The following LRRC37A variants were observed in gnomAD, a reference collection of about 807,000 sequenced individuals.
LRRC37A encodes the protein leucine rich repeat containing 37A, also known as leucine-rich repeat-containing protein 37A.
LRRC37A carries 3 observed loss-of-function variants against 35.4 expected under a neutral mutation model. The observed-to-expected ratio is 0.08, with a 90% CI of 0.04 to 0.22. LRRC37A has a LOEUF of 0.22. Among genes scored for constraint, LRRC37A ranks in the 10% least tolerant of loss-of-function variants. The pLI is 1.00. For missense variants in LRRC37A, 67 were observed against 565.3 expected (o/e 0.12, Z 8.94); for synonymous variants, 23 against 215.0 (o/e 0.11, Z 7.81).
the LRRC37A span, among the ~76,000 whole-genome samples, chr17:46,261,883 A>G: frequency 1.3e-5 from 2 of 152,320 alleles, no homozygotes; most frequent in South Asian, 2.1e-4. Flanking sequence ...AAGTAAAAAT[A>G]TTTTCCCCTT....
chr17:46,277,641 C>CTTTTCTTTTCT, the LRRC37A span, among the ~76,000 whole-genome samples: 63 of 146,556 alleles, frequency 4.3e-4, no homozygotes, highest in Admixed American at 7.5e-4. Flanking sequence ...CTTTTCTTTT[C>CTTTTCTTTTCT]TTTCTTTCTT....
At chr17:46,287,732 G>A in the LRRC37A span, among the ~76,000 whole-genome samples, 6,819 of 129,788 alleles carry the variant, frequency 0.053, no homozygotes, top group Non-Finnish European at 0.086. Flanking sequence ...CAACATCGGG[G>A]ACATGGTATG....
chr17:46,311,165 G>C, intron 5 of LRRC37A: 1 of 371,930 alleles, frequency 2.7e-6, no homozygotes, highest in Non-Finnish European at 5.3e-6. Flanking sequence ...AAAGGAAAAA[G>C]GCTCACCATT....
the LRRC37A span, chr17:46,268,425 A>G: frequency 1.3e-4 from 131 of 1,027,982 alleles, no homozygotes; most frequent in Non-Finnish European, 1.7e-4. Flanking sequence ...CAGCTTAGGT[A>G]TTTCTTAAAG....
chr17:46,280,519 T>G, the LRRC37A span, among the ~76,000 whole-genome samples: 18,233 of 148,440 alleles, frequency 0.12, 2 homozygotes, highest in Non-Finnish European at 0.18. Context: ...TAATTAAAAA[T>G]ATATATTATT....
At chr17:46,284,698 G>T in the LRRC37A span, among the ~76,000 whole-genome samples, 1 of 152,206 alleles carries the variant, frequency 6.6e-6, no homozygotes, top group African/African-American at 2.4e-5. Context: ...GGTGGGATGG[G>T]TTCAAAGTGT....
the LRRC37A span, among the ~76,000 whole-genome samples, chr17:46,274,171 AT>A: frequency 2.6e-5 from 4 of 152,244 alleles, no homozygotes; most frequent in African/African-American, 9.6e-5. Flanking sequence ...ATTAGCACAC[AT>A]TCAAAGACAC....
the LRRC37A span, among the ~76,000 whole-genome samples, chr17:46,285,655 C>G: frequency 1.3e-5 from 2 of 151,802 alleles, no homozygotes; most frequent in Admixed American, 6.6e-5. Context: ...AAGTGAGTCA[C>G]GTTAGATTAT....
At chr17:46,284,210 C>T in the LRRC37A span, among the ~76,000 whole-genome samples, 12,147 of 137,220 alleles carry the variant, frequency 0.089, 1 homozygote, top group Non-Finnish European at 0.14. Flanking sequence ...TCCCACGAGG[C>T]CATATTTCAG....
At chr17:46,263,573 G>T in the LRRC37A span, among the ~76,000 whole-genome samples, 2 of 105,440 alleles carry the variant, frequency 1.9e-5, no homozygotes, top group East Asian at 2.3e-4. Context: ...AAAAAAAAAA[G>T]GCTGAGCACG....
the LRRC37A span, among the ~76,000 whole-genome samples, chr17:46,277,860 TG>T: frequency 6.6e-6 from 1 of 152,292 alleles, no homozygotes; most frequent in South Asian, 2.1e-4. Flanking sequence ...TTGGCCAGGC[TG>T]GTCTGGAACT....
the LRRC37A span, among the ~76,000 whole-genome samples, chr17:46,282,483 T>C: frequency 2.7e-5 from 4 of 150,564 alleles, no homozygotes; most frequent in Non-Finnish European, 4.4e-5. Flanking sequence ...GGCTCGATCA[T>C]AGTTCACTGC....
chr17:46,259,134 G>A, the LRRC37A span, among the ~76,000 whole-genome samples: 1 of 147,036 alleles, frequency 6.8e-6, no homozygotes, highest in Non-Finnish European at 1.5e-5. Context: ...AATGCCATGT[G>A]GTGGAGGCAA....
At chr17:46,259,910 G>T in the LRRC37A span, 20 of 1,557,510 alleles carry the variant, frequency 1.3e-5, no homozygotes, top group South Asian at 1.7e-4. Context: ...TGTGGGGACC[G>T]CAAGGAGGGA....
At chr17:46,287,610 C>T in the LRRC37A span, among the ~76,000 whole-genome samples, 1 of 152,268 alleles carries the variant, frequency 6.6e-6, no homozygotes, top group Non-Finnish European at 1.5e-5. Context: ...AATAATTTCT[C>T]ATAATGGAAT....
the LRRC37A span, among the ~76,000 whole-genome samples, chr17:46,257,652 T>TA: frequency 0.11 from 14,747 of 135,500 alleles, 768 homozygotes; most frequent in East Asian, 0.31. Context: ...TGTTTCTACT[T>TA]AAAAAAAAAA....
the LRRC37A span, among the ~76,000 whole-genome samples, chr17:46,259,336 G>C: frequency 6.6e-6 from 1 of 152,170 alleles, no homozygotes; most frequent in Non-Finnish European, 1.5e-5. Flanking sequence ...TGGGCTGGGA[G>C]GGGGAGGGCA....
the LRRC37A span, among the ~76,000 whole-genome samples, chr17:46,265,247 T>TTCTTCTTCC: frequency 1.6e-3 from 1 of 634 alleles, no homozygotes; most frequent in African/African-American, 4.8e-3. Context: ...CAAATTTCCT[T>TTCTTCTTCC]TCTTCTTCTT....
chr17:46,292,209 G>A (rs1423833990), upstream of LRRC37A, among the ~76,000 whole-genome samples: 27 of 75,066 alleles, frequency 3.6e-4, 5 homozygotes, highest in African/African-American at 8.0e-4. Context: ...GTGGGCACCT[G>A]TAATCCCAGC....
Sources: gnomAD v4.1 joint callset for allele counts (sites outside exome capture counted in the v4.1 genomes callset) on GRCh38, gnomAD v4.1.1 for gene constraint, MANE v1.5 for transcripts, NCBI Gene and HGNC (gene_info 2026-07-23, HGNC 2026-07-21) for gene names.